The following RRP15 variants were observed in gnomAD, a reference collection of about 807,000 sequenced individuals.
RRP15 encodes RRP15-like protein.
A neutral mutation model predicts 27.1 loss-of-function variants in RRP15; 18 were observed. The observed-to-expected ratio is 0.66, with a 90% CI of 0.46 to 0.98. The LOEUF is 0.98. Ranked by LOEUF, RRP15 falls within the 50% of genes least tolerant of loss-of-function variation. The pLI, the probability that RRP15 is intolerant of heterozygous loss-of-function variation, is 0.00. For synonymous variants in RRP15, 107 were observed against 109.4 expected, an observed-to-expected ratio of 0.98 and a Z score of 0.14; for missense variants, 359 against 337.8, an observed-to-expected ratio of 1.06 and a Z score of -0.49.
At chr1:218,311,135 G>C (rs759837986) in intron 4 of RRP15, among the ~76,000 whole-genome samples, 42 of 152,108 alleles carry the variant, frequency 2.8e-4, no homozygotes, top group Non-Finnish European at 5.0e-4. Flanking sequence ...TGAATTTATG[G>C]TTAAATAAAA....
chr1:218,304,484 C>A (rs75703836), intron 2 of RRP15, among the ~76,000 whole-genome samples: 5,021 of 152,236 alleles, frequency 0.033, 260 homozygotes, highest in African/African-American at 0.11. Context: ...TATGGCAAGA[C>A]TATTGGTCAG....
intron 1 of RRP15, among the ~76,000 whole-genome samples, chr1:218,285,838 A>C (rs1655537160): frequency 6.6e-6 from 1 of 152,052 alleles, no homozygotes; most frequent in South Asian, 2.1e-4. Flanking sequence ...AGGTAAGAGG[A>C]AGAAGGGGGT....
chr1:218,307,216 CT>C (rs1655912784), intron 3 of RRP15, among the ~76,000 whole-genome samples: 1 of 152,076 alleles, frequency 6.6e-6, no homozygotes, highest in African/African-American at 2.4e-5. Flanking sequence ...CATTTGTTAT[CT>C]GTTTAGAAAT....
rs1262913165 is a variant in RRP15, at chr1:218,332,264, T to C, written c.*1173T>C. On this transcript the variant is annotated 3_prime_UTR_variant, in exon 5 of 5. Coordinates refer to ENST00000366932, the MANE Select transcript of RRP15 (RefSeq NM_016052.4). Reference sequence around the variant, plus strand: ...ACAACAAGTAATCTGCAGCAGAATATTGCATCCAATTTGAGACTTGATTCC... The same window carrying C: ...ACAACAAGTAATCTGCAGCAGAATACTGCATCCAATTTGAGACTTGATTCC... 6.6e-6 allele frequency: 1 copy of C among 152,198 alleles called. No homozygotes were observed. The highest frequency in any genetic ancestry group is 6.5e-5 in the Admixed American group (1 of 15,276). 9.4% of individuals were successfully genotyped at this position (152,198 alleles called of 1,614,324 possible). A position where few individuals can be genotyped will look rare whatever the true frequency, so the allele number is the denominator to read the frequency against.
chr1:218,313,669 A>G lies in RRP15; in HGVS notation c.705+6037A>G, dbSNP rs375975386. On this transcript the variant is annotated intron_variant, in intron 4 of 4. Coordinates refer to ENST00000366932, the MANE Select transcript of RRP15 (RefSeq NM_016052.4). Reference sequence around the variant, plus strand: ...AAGGAGGCAACCAGAATAGCAGAGTATGGTGAGGCCACCTGGGGCAGGCAC... The same window carrying G: ...AAGGAGGCAACCAGAATAGCAGAGTGTGGTGAGGCCACCTGGGGCAGGCAC... Among the ~76,000 whole-genome samples, 6 of 152,336 alleles carry G rather than the reference A, an allele frequency of 3.9e-5. 1 individual carries two copies. The East Asian group carries it at 9.6e-4, about 24-fold the overall frequency.
intron 2 of RRP15, among the ~76,000 whole-genome samples, chr1:218,304,727 C>T (rs1419439237): frequency 6.6e-6 from 1 of 152,158 alleles, no homozygotes; most frequent in Non-Finnish European, 1.5e-5. Flanking sequence ...GATGGCAGAG[C>T]AGGCATGTGG....
chr1:218,297,607 T>C (rs962037671), intron 1 of RRP15, among the ~76,000 whole-genome samples: 2 of 152,200 alleles, frequency 1.3e-5, no homozygotes, highest in African/African-American at 4.8e-5. Context: ...TACTTCATTG[T>C]CCCTTACTAA....
chr1:218,317,938 T>C (rs1038624480), intron 4 of RRP15, among the ~76,000 whole-genome samples: 1 of 151,972 alleles, frequency 6.6e-6, no homozygotes, highest in Non-Finnish European at 1.5e-5. Flanking sequence ...TCTCATCATG[T>C]TGCCCAGGCT....
intron 4 of RRP15, among the ~76,000 whole-genome samples, chr1:218,323,583 A>C (rs1451186622): frequency 6.6e-6 from 1 of 152,172 alleles, no homozygotes; most frequent in Non-Finnish European, 1.5e-5. Context: ...CCTGGCCTGA[A>C]GGTGGGGCCT....
chr1:218,288,836 C>T (rs1655590308), intron 1 of RRP15, among the ~76,000 whole-genome samples: 2 of 152,178 alleles, frequency 1.3e-5, no homozygotes, highest in African/African-American at 4.8e-5. Context: ...TTCTATAGCA[C>T]TTCCAATGTT....
At position 218,305,047 on chromosome 1, in the gene RRP15, G is replaced by C; in HGVS notation, c.425G>C (p.Trp142Ser). The C allele has an allele frequency of 6.2e-7, 1 of 1,613,666 alleles. No individual in the cohort carries two copies. The highest frequency in any genetic ancestry group is 8.5e-7 in the Non-Finnish European group (1 of 1,179,706). Residue 142 changes from tryptophan (W) to serine (S), a missense_variant, in exon 3 of 5, where the codon TGG becomes TCG. Coordinates refer to ENST00000366932, the MANE Select transcript of RRP15 (RefSeq NM_016052.4). ...KIKQRDKRLE[W>S]EMMCRVKPDV... ...ACGCAGCGTGATAAGAGGCTGGAGT[G>C]GGAAATGATGTGCAGAGTAAAGCCA...
At chr1:218,319,221 C>T (rs982943062) in intron 4 of RRP15, among the ~76,000 whole-genome samples, 6 of 151,892 alleles carry the variant, frequency 4.0e-5, no homozygotes, top group South Asian at 2.1e-4. Context: ...CCCGCCACGA[C>T]GCTTAGCTAA....
chr1:218,321,919 G>A (rs1312912059), intron 4 of RRP15, among the ~76,000 whole-genome samples: 1 of 151,628 alleles, frequency 6.6e-6, no homozygotes, highest in African/African-American at 2.4e-5. Flanking sequence ...ATACTTAATG[G>A]TAAATCATAT....
intron 4 of RRP15, among the ~76,000 whole-genome samples, chr1:218,312,505 A>T (rs184856098): frequency 9.5e-4 from 144 of 152,240 alleles, no homozygotes; most frequent in African/African-American, 3.1e-3. Context: ...AATGATTCTT[A>T]GCCAATAAAT....
chr1:218,298,535 T>A (rs1334767340), intron 1 of RRP15, among the ~76,000 whole-genome samples: 1 of 152,146 alleles, frequency 6.6e-6, no homozygotes, highest in Non-Finnish European at 1.5e-5. Flanking sequence ...GGAAAATGGC[T>A]CACTTTCCTG....
intron 2 of RRP15, 144 bp from the exon 3 acceptor site, chr1:218,304,884 T>A (rs1217700722): frequency 1.4e-6 from 1 of 695,270 alleles, no homozygotes; most frequent in Non-Finnish European, 2.4e-6. Context: ...GCTAAACCCC[T>A]AACATTGTGT....
intron 1 of RRP15, among the ~76,000 whole-genome samples, chr1:218,299,184 C>A (rs1360447900): frequency 6.6e-6 from 1 of 152,118 alleles, no homozygotes; most frequent in African/African-American, 2.4e-5. Flanking sequence ...ATTACTTTGG[C>A]ATTTTTAATT....
chr1:218,328,953 G>T (rs552385530), intron 4 of RRP15, among the ~76,000 whole-genome samples: 27 of 152,146 alleles, frequency 1.8e-4, no homozygotes, highest in Non-Finnish European at 2.8e-4. Flanking sequence ...TCAAAGGCAG[G>T]ATAGGTCTTT....
intron 4 of RRP15, among the ~76,000 whole-genome samples, chr1:218,315,004 A>AG (rs1345539322): frequency 7.0e-6 from 1 of 142,226 alleles, no homozygotes; most frequent in African/African-American, 3.1e-5. Context: ...AAAAAAAAAA[A>AG]AAAAAGAAAG....
Sources: gnomAD v4.1 joint callset for allele counts (sites outside exome capture counted in the v4.1 genomes callset) on GRCh38, gnomAD v4.1.1 for gene constraint, MANE v1.5 for transcripts, NCBI Gene and HGNC (gene_info 2026-07-23, HGNC 2026-07-21) for gene names.